Variants in TBC1D9 observed in about 807,000 individuals in gnomAD.
The protein encoded by TBC1D9 is TBC1 domain family member 9A.
TBC1D9 carries 63 observed loss-of-function variants against 132.0 expected under a neutral mutation model. The observed-to-expected ratio is 0.48, with a 90% CI of 0.39 to 0.59. The LOEUF (loss-of-function observed/expected upper bound fraction) is 0.59, where lower values mean the gene tolerates loss of function less well. Ranked by LOEUF, TBC1D9 falls within the 20% of genes least tolerant of loss-of-function variation. The pLI is 0.00. For synonymous variants in TBC1D9, 610 were observed against 609.9 expected, an observed-to-expected ratio of 1.00 and a Z score of 0.00; for missense variants, 1,261 against 1,592.7, an observed-to-expected ratio of 0.79 and a Z score of 3.54.
At chr4:140,728,010 A>G (rs916885822) in intron 1 of TBC1D9, among the ~76,000 whole-genome samples, 3 of 152,200 alleles carry the variant, frequency 2.0e-5, no homozygotes, top group South Asian at 2.1e-4. Context: ...AATAGAGTAG[A>G]GTTTCCATGC....
intron 15 of TBC1D9, among the ~76,000 whole-genome samples, chr4:140,634,464 C>G (rs1192214523): frequency 2.6e-5 from 4 of 152,154 alleles, no homozygotes; most frequent in Admixed American, 2.6e-4. Flanking sequence ...AACTCTCCCC[C>G]ACCACATTCT....
intron 5 of TBC1D9, among the ~76,000 whole-genome samples, chr4:140,677,686 G>A (rs1737647072): frequency 6.6e-6 from 1 of 152,052 alleles, no homozygotes; most frequent in Non-Finnish European, 1.5e-5. Context: ...CTCCCCTCAA[G>A]CTTCTACCTG....
Position 140,671,550 on chromosome 4 carries a change from T to C in TBC1D9, c.1060-624A>G, listed in dbSNP as rs143038689. On this transcript the variant is annotated intron_variant, in intron 6 of 20. Coordinates refer to ENST00000442267, the MANE Select transcript of TBC1D9 (RefSeq NM_015130.3). The stretch of plus-strand genomic sequence containing the variant: ...AAACACCACCAATCCTTCAAATGTT[T>C]CATTTAGACTCCAGGGCTTTTCATC... Among the ~76,000 whole-genome samples, 657 of 152,338 alleles carry C rather than the reference T, an allele frequency of 4.3e-3. 3 individuals carry two copies. Among genetic ancestry groups the C allele is most frequent in the African/African-American group, 0.015 (619 of 41,576 alleles).
chr4:140,676,768 C>T (rs1212693872), intron 6 of TBC1D9, 126 bp downstream of exon 6: 9 of 1,288,540 alleles, frequency 7.0e-6, no homozygotes, highest in Non-Finnish European at 9.4e-6. Context: ...AATGCAGGTG[C>T]CACCAAAGAC....
chr4:140,662,166 C>T (rs1349052147), intron 9 of TBC1D9, 59 bp from the exon 10 acceptor site: 17 of 1,341,452 alleles, frequency 1.3e-5, no homozygotes, highest in Non-Finnish European at 1.8e-5. Context: ...TTTTGGTTTG[C>T]AACTACAGCT....
chr4:140,728,401 T>TA lies in TBC1D9; in HGVS notation c.131-26788dup, dbSNP rs35141147. 2.3e-3 allele frequency among the ~76,000 whole-genome samples: 324 copies of TA among 143,044 alleles called. 4 individuals are homozygous for TA. Among genetic ancestry groups the TA allele is most frequent in the South Asian group, 0.02 (89 of 4,488 alleles). The allele number at this position is 143,044 out of a possible 152,430, so 93.8% of individuals were successfully genotyped here. A position where few individuals can be genotyped will look rare whatever the true frequency, so the allele number is the denominator to read the frequency against. On this transcript the variant is annotated intron_variant, in intron 1 of 20. Transcript: ENST00000442267. ...TTAAAAAATTTTTAACTTTAAATGG[T>TA]AAAAAAAAAAAAAAAGTAACAGTTT...
chr4:140,742,476 G>C (rs990353495), intron 1 of TBC1D9, among the ~76,000 whole-genome samples: 3 of 139,146 alleles, frequency 2.2e-5, no homozygotes, highest in Non-Finnish European at 4.5e-5. Context: ...AGGTTGCAGT[G>C]AGCCGAGATT....
intron 6 of TBC1D9, among the ~76,000 whole-genome samples, chr4:140,675,115 T>C (rs1200450130): frequency 6.6e-6 from 1 of 152,158 alleles, no homozygotes; most frequent in Non-Finnish European, 1.5e-5. Flanking sequence ...ATCTAAATTA[T>C]ATAAATGACA....
At position 140,657,760 on chromosome 4, in the gene TBC1D9, T is replaced by C; in HGVS notation, c.1974A>G (p.Pro658=). Residue 658 remains proline (P), a synonymous_variant, in exon 12 of 21, where the codon CCA becomes CCG. Coordinates refer to ENST00000442267, the MANE Select transcript of TBC1D9 (RefSeq NM_015130.3). Reference sequence around the variant, plus strand: ...GGTCTTGCATGCAGTCGTACAGCTGTGGGACGTAGTCTCGTGCTAGCTCCT... The same window carrying C: ...GGTCTTGCATGCAGTCGTACAGCTGCGGGACGTAGTCTCGTGCTAGCTCCT... ...VFEELARDYV[P]QLYDCMQDLG... The C allele has an allele frequency of 6.2e-7, 1 of 1,614,030 alleles. No homozygotes were observed. The highest frequency in any genetic ancestry group is 8.5e-7 in the Non-Finnish European group (1 of 1,179,896).
chr4:140,722,834 T>C (rs983977961), intron 1 of TBC1D9, among the ~76,000 whole-genome samples: 3 of 152,192 alleles, frequency 2.0e-5, no homozygotes, highest in Non-Finnish European at 4.4e-5. Flanking sequence ...GATTCTCCCC[T>C]GTCCTTTCCT....
At chr4:140,667,570 T>C (rs191810179) in intron 9 of TBC1D9, among the ~76,000 whole-genome samples, 1 of 152,268 alleles carries the variant, frequency 6.6e-6, no homozygotes, top group East Asian at 1.9e-4. Flanking sequence ...GACTCAAATT[T>C]AGGTTTCTAA....
chr4:140,642,645 G>T, intron 13 of TBC1D9: 1 of 722,170 alleles, frequency 1.4e-6, no homozygotes, highest in Non-Finnish European at 2.4e-6. Flanking sequence ...GAAGCCTCGT[G>T]TTCATCCCAA....
At chr4:140,658,473 C>T (rs1737305071) in intron 11 of TBC1D9, among the ~76,000 whole-genome samples, 1 of 152,154 alleles carries the variant, frequency 6.6e-6, no homozygotes, top group Admixed American at 6.5e-5. Flanking sequence ...TCAGCCAGAA[C>T]ATCAACACAT....
At chr4:140,697,324 G>A (rs1467697357) in intron 2 of TBC1D9, among the ~76,000 whole-genome samples, 1 of 152,174 alleles carries the variant, frequency 6.6e-6, no homozygotes, top group Non-Finnish European at 1.5e-5. Flanking sequence ...AGAGGTTGCA[G>A]TGAGCCAAGA....
chr4:140,744,096 T>C (rs2111080866), intron 1 of TBC1D9, among the ~76,000 whole-genome samples: 1 of 152,288 alleles, frequency 6.6e-6, no homozygotes, highest in African/African-American at 2.4e-5. Flanking sequence ...CAAAATTATC[T>C]TAAAGTTGAT....
At chr4:140,682,805 T>G (rs1246202243) in intron 3 of TBC1D9, among the ~76,000 whole-genome samples, 1 of 152,080 alleles carries the variant, frequency 6.6e-6, no homozygotes, top group African/African-American at 2.4e-5. Context: ...TGAGAATGAG[T>G]GACATATAAC....
At chr4:140,725,093 A>G (rs1738477851) in intron 1 of TBC1D9, among the ~76,000 whole-genome samples, 1 of 152,242 alleles carries the variant, frequency 6.6e-6, no homozygotes, top group Non-Finnish European at 1.5e-5. Flanking sequence ...AATTAGCCAA[A>G]TAACATATGT....
intron 13 of TBC1D9, chr4:140,642,767 G>A (rs910918450): frequency 6.2e-6 from 4 of 640,890 alleles, no homozygotes; most frequent in Non-Finnish European, 5.5e-6. Flanking sequence ...ATCTGATGTC[G>A]GCAGAGATTT....
rs746432332 is a variant in TBC1D9, at chr4:140,701,570, G to A, written c.175C>T (p.Arg59Trp). The A allele has an allele frequency of 6.2e-6, 10 of 1,613,784 alleles. No individual in the cohort carries two copies. In the African/African-American group the frequency reaches 6.7e-5, roughly 11 times the overall value. Residue 59 changes from arginine (R) to tryptophan (W), a missense_variant, in exon 2 of 21, where the codon CGG (arginine) becomes TGG (tryptophan). Around this residue, in one of 3 missense-constraint regions of TBC1D9, gnomAD observed 550 missense variants for 699.0 expected, o/e 0.79. Coordinates refer to ENST00000442267, the MANE Select transcript of TBC1D9 (RefSeq NM_015130.3). ...TLDVVLDSSA[R>W]VAPYRILYQT... ...TACAAGATTCGGTAAGGAGCGACCC[G>A]GGCGCTGGAGTCCAACACAACATCA...
Sources: gnomAD v4.1 joint callset for allele counts (sites outside exome capture counted in the v4.1 genomes callset) on GRCh38, gnomAD v4.1.1 for gene constraint, gnomAD v4.1.1 regional missense constraint, MANE v1.5 for transcripts, NCBI Gene and HGNC (gene_info 2026-07-23, HGNC 2026-07-21) for gene names.